Variants in CNGB3 observed in about 807,000 individuals in gnomAD.
CNGB3 encodes cyclic nucleotide gated channel subunit beta 3.
In CNGB3, 86 loss-of-function variants were observed where a neutral mutation model predicts 92.8. The observed-to-expected ratio is 0.93, with a 90% CI of 0.78 to 1.11. The LOEUF (loss-of-function observed/expected upper bound fraction) is 1.11, where lower values mean the gene tolerates loss of function less well. Among genes scored for constraint, CNGB3 ranks in the 50% least tolerant of loss-of-function variants. CNGB3 has a pLI of 0.00. For synonymous variants in CNGB3, 333 were observed against 332.7 expected (o/e 1.00, Z -0.01); for missense variants, 1,026 against 956.8 (o/e 1.07, Z -0.95).
rs567000775 is a variant in CNGB3 at position 86,582,252 on chromosome 8, G to A, written c.1782-3000C>T. Reference sequence around the variant, plus strand: ...CCACTAAAAATATAAAAATTTAGCCGGGCATAGTGGCATGCCCTGTGGTAC... The same window carrying A: ...CCACTAAAAATATAAAAATTTAGCCAGGCATAGTGGCATGCCCTGTGGTAC... On this transcript the variant is annotated intron_variant, in intron 15 of 17. Transcript: ENST00000320005. 4.4e-4 allele frequency among the ~76,000 whole-genome samples: 67 copies of A among 152,044 alleles called. 2 individuals are homozygous for A. Among genetic ancestry groups the A allele is most frequent in the South Asian group, 1.5e-3 (7 of 4,824 alleles).
intron 15 of CNGB3, among the ~76,000 whole-genome samples, chr8:86,587,231 A>G (rs1436067955): frequency 6.6e-5 from 10 of 151,030 alleles, no homozygotes; most frequent in Non-Finnish European, 1.0e-4. Flanking sequence ...TAGATTCTGG[A>G]TATTAGCCCT....
intron 3 of CNGB3, among the ~76,000 whole-genome samples, chr8:86,722,540 G>A (rs7841121): frequency 0.094 from 14,369 of 152,172 alleles, 1,480 homozygotes; most frequent in African/African-American, 0.26. Flanking sequence ...GAGCCATAAC[G>A]TGCCCAGATA....
chr8:86,668,678 G>A (rs1318277574), intron 4 of CNGB3, among the ~76,000 whole-genome samples: 2 of 126,902 alleles, frequency 1.6e-5, no homozygotes, highest in Non-Finnish European at 3.3e-5. Context: ...ATAAATAAAT[G>A]TTAATAAATT....
At chr8:86,718,365 G>A (rs562191539) in intron 3 of CNGB3, among the ~76,000 whole-genome samples, 1 of 152,044 alleles carries the variant, frequency 6.6e-6, no homozygotes, top group Admixed American at 6.6e-5. Flanking sequence ...AAATACAAAA[G>A]GTTTTTCAAG....
intron 2 of CNGB3, among the ~76,000 whole-genome samples, chr8:86,731,774 A>C (rs1276383637): frequency 6.6e-6 from 1 of 152,180 alleles, no homozygotes; most frequent in Admixed American, 6.5e-5. Flanking sequence ...TGAGGATTAG[A>C]TAAAGACTCC....
At chr8:86,743,374 G>A (rs1825374198) in intron 1 of CNGB3, 125 bp downstream of exon 1, 2 of 1,024,792 alleles carry the variant, frequency 2.0e-6, no homozygotes, top group African/African-American at 1.6e-5. Flanking sequence ...GCCCGACACA[G>A]TACATGTACC....
intron 2 of CNGB3, 33 bp from the exon 3 acceptor site, chr8:86,726,690 T>C (rs193221878): frequency 6.2e-7 from 1 of 1,612,020 alleles, no homozygotes; most frequent in Non-Finnish European, 8.5e-7. Context: ...GATAGAAGAA[T>C]GTACAACACT....
chr8:86,575,441 C>T lies in CNGB3; in HGVS notation c.*363G>A, dbSNP rs1821639915. The T allele has an allele frequency of 5.5e-6, 1 of 181,532 alleles. No homozygotes were observed. The highest frequency in any genetic ancestry group is 1.1e-5 in the Non-Finnish European group (1 of 88,052). 11.2% of individuals were successfully genotyped at this position (181,532 alleles called of 1,614,324 possible). A position where few individuals can be genotyped will look rare whatever the true frequency, so the allele number is the denominator to read the frequency against. ...AGAGTGCCAAAGAAGAAATTAAACA[C>T]AATAAAAATTAAGAGAAAAGGTTAG... On this transcript the variant is annotated 3_prime_UTR_variant, in exon 18 of 18. Coordinates refer to ENST00000320005, the MANE Select transcript of CNGB3 (RefSeq NM_019098.5).
At chr8:86,634,768 A>G (rs1205317338) in intron 10 of CNGB3, among the ~76,000 whole-genome samples, 1 of 151,458 alleles carries the variant, frequency 6.6e-6, no homozygotes, top group African/African-American at 2.4e-5. Context: ...ACTTTGGGTA[A>G]CTGGGCACTA....
At chr8:86,655,391 C>G (rs1823485281) in intron 6 of CNGB3, among the ~76,000 whole-genome samples, 1 of 152,232 alleles carries the variant, frequency 6.6e-6, no homozygotes, top group Non-Finnish European at 1.5e-5. Flanking sequence ...TTTCCACTCA[C>G]TTCCCGGAGC....
At chr8:86,584,435 G>C (rs975876975) in intron 15 of CNGB3, among the ~76,000 whole-genome samples, 6 of 152,186 alleles carry the variant, frequency 3.9e-5, no homozygotes, top group African/African-American at 9.7e-5. Context: ...AGGTTATTTT[G>C]AGATTTCTCA....
intron 3 of CNGB3, among the ~76,000 whole-genome samples, chr8:86,681,535 GAAGAT>G (rs1487580998): frequency 6.6e-6 from 1 of 152,148 alleles, no homozygotes; most frequent in Non-Finnish European, 1.5e-5. Context: ...AGGAAAAAGA[GAAGAT>G]AAATCAGTCA....
chr8:86,670,172 T>C (rs571679492), intron 4 of CNGB3, among the ~76,000 whole-genome samples: 2 of 152,322 alleles, frequency 1.3e-5, no homozygotes, highest in Admixed American at 1.3e-4. Context: ...ACACACATTT[T>C]TGTAGTTATT....
chr8:86,676,568 G>A (rs1823972506), intron 3 of CNGB3, among the ~76,000 whole-genome samples: 1 of 152,088 alleles, frequency 6.6e-6, no homozygotes, highest in Non-Finnish European at 1.5e-5. Flanking sequence ...AAGATAATTA[G>A]TTGCAGTAAG....
At chr8:86,690,129 G>A (rs1336965188) in intron 3 of CNGB3, among the ~76,000 whole-genome samples, 7 of 152,076 alleles carry the variant, frequency 4.6e-5, no homozygotes, top group South Asian at 2.1e-4. Context: ...ATCCCTGAGG[G>A]ATTGCCACAC....
At chr8:86,707,033 G>A (rs956071031) in intron 3 of CNGB3, among the ~76,000 whole-genome samples, 1 of 152,150 alleles carries the variant, frequency 6.6e-6, no homozygotes, top group Non-Finnish European at 1.5e-5. Flanking sequence ...AGTTACTTAA[G>A]AGATATTAAC....
At chr8:86,580,415 T>A (rs1306772687) in intron 15 of CNGB3, among the ~76,000 whole-genome samples, 1 of 152,236 alleles carries the variant, frequency 6.6e-6, no homozygotes, top group African/African-American at 2.4e-5. Context: ...ACCTGGGCTC[T>A]GGCTGATACA....
intron 6 of CNGB3, chr8:86,658,831 T>C: frequency 1.6e-6 from 1 of 614,054 alleles, no homozygotes; most frequent in Non-Finnish European, 2.9e-6. Context: ...TGACTGATGG[T>C]GGTGAGGTCA....
chr8:86,645,326 CT>C (rs2131595530), intron 8 of CNGB3, among the ~76,000 whole-genome samples: 1 of 151,324 alleles, frequency 6.6e-6, no homozygotes, highest in Non-Finnish European at 1.5e-5. Flanking sequence ...TTCCTACTTC[CT>C]ACTTCCTACT....
Sources: allele counts gnomAD v4.1 joint callset (sites outside exome capture counted in the v4.1 genomes callset), GRCh38; gene constraint gnomAD v4.1.1; transcripts MANE v1.5; gene names NCBI Gene and HGNC (gene_info 2026-07-23, HGNC 2026-07-21).